MFAP3L: variants seen among roughly 807,000 people sequenced by gnomAD.
MFAP3L encodes the protein microfibril associated protein 3 like, also known as microfibrillar-associated protein 3-like.
Under a neutral mutation model 20.0 loss-of-function variants are expected in MFAP3L, and 5 were observed. The ratio of observed to expected loss-of-function variants is 0.25; its 90% CI spans 0.13 to 0.53. The LOEUF (loss-of-function observed/expected upper bound fraction) is 0.53, where lower values mean the gene tolerates loss of function less well. MFAP3L is among the 20% of genes least tolerant of loss of function. MFAP3L has a pLI of 0.96. For synonymous variants in MFAP3L, 219 were observed against 213.0 expected (o/e 1.03, Z -0.25); for missense variants, 409 against 527.5 (o/e 0.78, Z 2.20).
chr4:169,992,082 T>C lies in MFAP3L; in HGVS notation c.526A>G (p.Ser176Gly), dbSNP rs569504276. The C allele has an allele frequency of 6.2e-7, 1 of 1,614,182 alleles. No individual in the cohort carries two copies. Among genetic ancestry groups the C allele is most frequent in the Admixed American group, 1.7e-5 (1 of 60,032 alleles). ...TTCTCAGTCTTCTTTAGATGGCTGC[T>C]CATCATGCACAGGCGGGTGATATTG... ...VLNITRLCMM[S>G]SHLKKTEKAI... The change falls in exon 3 of 3, where the codon AGC (serine) becomes GGC (glycine). Residue 176 changes from serine (S) to glycine (G), a missense_variant. Physicochemically the swap from Ser to Gly is moderately conservative, Grantham distance 56. Transcript: ENST00000361618. This position sits in a 1 kb window ranked among gnomAD's most constrained non-coding sequence, Gnocchi z 4.3.
At chr4:170,024,873 CAATGA>C (rs1740254302) in intron 1 of MFAP3L, among the ~76,000 whole-genome samples, 1 of 152,108 alleles carries the variant, frequency 6.6e-6, no homozygotes, top group African/African-American at 2.4e-5. Context: ...ACCCACAACT[CAATGA>C]AAAGTCAATG....
At chr4:170,026,924 C>G (rs183471240), upstream of MFAP3L, 1 of 152,358 alleles carries the variant, frequency 6.6e-6, no homozygotes, top group East Asian at 1.9e-4. Context: ...CTTCTCAGGC[C>G]TTCCCGGGCG....
intron 2 of MFAP3L, among the ~76,000 whole-genome samples, chr4:170,004,592 T>G (rs1738906998): frequency 6.6e-6 from 1 of 152,156 alleles, no homozygotes; most frequent in African/African-American, 2.4e-5. Flanking sequence ...CTCCATTCAC[T>G]TAGCTCCTAA....
intron 1 of MFAP3L, 97 bp from the exon 2 acceptor site, chr4:170,006,107 T>A: frequency 1.3e-4 from 108 of 817,958 alleles, no homozygotes; most frequent in Non-Finnish European, 1.6e-4. Context: ...AATACAAACA[T>A]CAACATACTT....
chr4:169,996,659 C>T (rs1050433293), intron 2 of MFAP3L, among the ~76,000 whole-genome samples: 12 of 152,064 alleles, frequency 7.9e-5, no homozygotes, highest in Non-Finnish European at 1.0e-4. Flanking sequence ...CACTGTGAGC[C>T]GCTGGAGCTG....
intron 2 of MFAP3L, chr4:170,005,320 G>A (rs962688865): frequency 5.5e-6 from 3 of 546,024 alleles, no homozygotes; most frequent in Non-Finnish European, 9.7e-6. Flanking sequence ...TAATGTATTG[G>A]ATGTATTATA....
chr4:169,991,098 A>T lies in MFAP3L; in HGVS notation c.*280T>A. ...ACTCTTTGCCAAGAAGGCATCACCA[A>T]TTAAGGTATTTGGCAGAGATCAGCC... On this transcript the variant is annotated 3_prime_UTR_variant, in exon 3 of 3. Coordinates refer to ENST00000361618, the MANE Select transcript of MFAP3L (RefSeq NM_021647.8). This position sits in a 1 kb window ranked among gnomAD's most constrained non-coding sequence, Gnocchi z 4.9. 2.2e-6 allele frequency: 1 copy of T among 464,776 alleles called. No individual in the cohort carries two copies. The highest frequency in any genetic ancestry group is 3.6e-5 in the South Asian group (1 of 27,716). The allele number at this position is 464,776 out of a possible 1,614,324, so 28.8% of individuals were successfully genotyped here.
In MFAP3L at chr4:169,986,985, C is replaced by A. The variant is rs1037755892; in HGVS notation, c.*4393G>T. 6.6e-6 allele frequency: 1 copy of A among 152,174 alleles called. No individual in the cohort carries two copies. Among genetic ancestry groups the A allele is most frequent in the Non-Finnish European group, 1.5e-5 (1 of 68,018 alleles). 9.4% of individuals were successfully genotyped at this position (152,174 alleles called of 1,614,324 possible). On this transcript the variant is annotated 3_prime_UTR_variant, in exon 3 of 3. Coordinates refer to ENST00000361618, the MANE Select transcript of MFAP3L (RefSeq NM_021647.8). ...TATTTACTTTCTATTTTTACATTCT[C>A]TAGCTTCAATTTTGATTGTAGTATT...
At position 169,991,579 on chromosome 4, in the gene MFAP3L, T is replaced by C. The variant is rs753883238; in HGVS notation, c.1029A>G (p.Val343=). The C allele has an allele frequency of 1.2e-5, 19 of 1,614,196 alleles. No homozygotes were observed. Among genetic ancestry groups the C allele is most frequent in the Admixed American group, 1.2e-4 (7 of 60,028 alleles). ...QEGGQFEVKD[V]EETELSAEHS... Reference sequence around the variant, plus strand: ...GTTCCGCCGACAGTTCTGTCTCCTCTACATCTTTGACTTCAAACTGTCCAC... The same window carrying C: ...GTTCCGCCGACAGTTCTGTCTCCTCCACATCTTTGACTTCAAACTGTCCAC... Residue 343 remains valine (V), a synonymous_variant, in exon 3 of 3, where the codon GTA becomes GTG. Coordinates refer to ENST00000361618, the MANE Select transcript of MFAP3L (RefSeq NM_021647.8). This position sits in a 1 kb window ranked among gnomAD's most constrained non-coding sequence, Gnocchi z 4.9.
chr4:170,016,531 T>C (rs571185980), intron 1 of MFAP3L, among the ~76,000 whole-genome samples: 1 of 152,318 alleles, frequency 6.6e-6, no homozygotes, highest in African/African-American at 2.4e-5. Flanking sequence ...ACCCTGCCTT[T>C]GTCTTTACAG....
At chr4:170,025,190 T>C (rs1412068330) in intron 1 of MFAP3L, among the ~76,000 whole-genome samples, 1 of 152,240 alleles carries the variant, frequency 6.6e-6, no homozygotes, top group Non-Finnish European at 1.5e-5. Flanking sequence ...ACTACACTGT[T>C]ATAACTTACG....
rs988711618 is a variant in MFAP3L at position 169,990,443 on chromosome 4, T to C, written c.*935A>G. 42 of 152,654 alleles carry C rather than the reference T, an allele frequency of 2.8e-4. No individual in the cohort carries two copies. Among genetic ancestry groups the C allele is most frequent in the African/African-American group, 9.4e-4 (39 of 41,456 alleles). The allele number at this position is 152,654 out of a possible 1,614,324, so 9.5% of individuals were successfully genotyped here. The stretch of plus-strand genomic sequence containing the variant: ...ACCTACAGGAATCCACTGAATCTGA[T>C]GTCTTTGGAAGCAATATATTTTCCA... On this transcript the variant is annotated 3_prime_UTR_variant, in exon 3 of 3. Transcript: ENST00000361618.
At chr4:170,020,716 A>G (rs891526599) in intron 1 of MFAP3L, among the ~76,000 whole-genome samples, 2 of 148,808 alleles carry the variant, frequency 1.3e-5, no homozygotes, top group African/African-American at 5.0e-5. Context: ...CTCAACTCCC[A>G]GTAGTTCCCC....
intron 1 of MFAP3L, among the ~76,000 whole-genome samples, chr4:170,019,799 AT>A (rs1306346453): frequency 6.6e-6 from 1 of 152,166 alleles, no homozygotes; most frequent in Non-Finnish European, 1.5e-5. Flanking sequence ...AGGGGTTGGG[AT>A]TATACTTCAG....
intron 1 of MFAP3L, among the ~76,000 whole-genome samples, chr4:170,012,351 C>T (rs987684607): frequency 6.6e-6 from 1 of 152,222 alleles, no homozygotes; most frequent in African/African-American, 2.4e-5. Flanking sequence ...AAAGACAGCT[C>T]TTAGGAAGCA....
chr4:170,026,191 A>C (rs2111096860), intron 1 of MFAP3L, 43 bp downstream of exon 1: 1 of 975,454 alleles, frequency 1.0e-6, no homozygotes. Flanking sequence ...GCTGGCTCCC[A>C]CCCGTGCCCC....
In MFAP3L at chr4:169,992,372, T is replaced by C. The variant is rs1737785376; in HGVS notation, c.299-63A>G. On this transcript the variant is annotated intron_variant, in intron 2 of 2. Transcript: ENST00000361618. The surrounding 1 kb of genome is among the most constrained non-coding windows in gnomAD (Gnocchi z 4.3). ...CAGAGCTCCCATGACTACAAACTGATACGTTTCTAAGAACATCTATGAACA... is the reference window on the plus strand; with the variant it reads ...CAGAGCTCCCATGACTACAAACTGACACGTTTCTAAGAACATCTATGAACA... The C allele has an allele frequency of 4.4e-6, 6 of 1,365,980 alleles. No individual in the cohort carries two copies. In the South Asian group the frequency reaches 8.1e-5, roughly 18 times the overall value. The allele number at this position is 1,365,980 out of a possible 1,614,324, so 84.6% of individuals were successfully genotyped here.
chr4:170,017,108 A>T (rs1739748212), intron 1 of MFAP3L, among the ~76,000 whole-genome samples: 1 of 152,192 alleles, frequency 6.6e-6, no homozygotes, highest in African/African-American at 2.4e-5. Context: ...TTCCTCTTTC[A>T]TCAGGATAAA....
chr4:170,015,863 A>G (rs1166810974), intron 1 of MFAP3L, among the ~76,000 whole-genome samples: 2 of 152,074 alleles, frequency 1.3e-5, no homozygotes, highest in African/African-American at 2.4e-5. Flanking sequence ...CACGGACCCA[A>G]CCTTTCCTCT....
Sources: allele counts gnomAD v4.1 joint callset (sites outside exome capture counted in the v4.1 genomes callset), GRCh38; gene constraint gnomAD v4.1.1; non-coding constraint Gnocchi (gnomAD v3.1); transcripts MANE v1.5; gene names NCBI Gene and HGNC (gene_info 2026-07-23, HGNC 2026-07-21).